Variants in DSC2 observed in about 807,000 individuals in gnomAD.
The protein encoded by DSC2 is desmocollin 2, also known as desmocollin-2.
A neutral mutation model predicts 87.6 loss-of-function variants in DSC2; 51 were observed. The ratio of observed to expected loss-of-function variants is 0.58; its 90% CI spans 0.46 to 0.74. The LOEUF (loss-of-function observed/expected upper bound fraction) is 0.74. DSC2 is among the 30% of genes least tolerant of loss of function. DSC2 has a pLI of 0.00. For missense variants in DSC2, 1,066 were observed against 1,089.5 expected, an observed-to-expected ratio of 0.98 and a Z score of 0.30; for synonymous variants, 383 against 393.2, an observed-to-expected ratio of 0.97 and a Z score of 0.31.
Position 31,087,710 on chromosome 18 carries a change from T to G in DSC2, c.734A>C (p.Glu245Ala), listed in dbSNP as rs373201722. The G allele has an allele frequency of 2.0e-5, 33 of 1,613,540 alleles. No homozygotes were observed. In the African/African-American group the frequency reaches 3.6e-4, roughly 18 times the overall value. The change falls in exon 6 of 16, where the codon GAA becomes GCA. Residue 245 changes from glutamate to alanine, a missense_variant. Physicochemically the swap from Glu to Ala is moderately radical, Grantham distance 107. Transcript: ENST00000280904. Reference protein sequence around the residue: ...DENDNYPIFTEETYTFTIFEN... With the variant: ...DENDNYPIFTAETYTFTIFEN... ...AAAAATTGTAAAAGTATAAGTTTCTTCTGTAAAAATTGGGTAGTTATCATT... is the reference window on the plus strand; with the variant it reads ...AAAAATTGTAAAAGTATAAGTTTCTGCTGTAAAAATTGGGTAGTTATCATT...
intron 7 of DSC2, among the ~76,000 whole-genome samples, chr18:31,085,188 C>T (rs1162074818): frequency 6.6e-6 from 1 of 152,026 alleles, no homozygotes; most frequent in Non-Finnish European, 1.5e-5. Flanking sequence ...ACTCTCTTTT[C>T]TAATTTTATA....
chr18:31,078,145 T>G (rs1441737838), intron 11 of DSC2, among the ~76,000 whole-genome samples: 7 of 152,128 alleles, frequency 4.6e-5, no homozygotes, highest in African/African-American at 1.7e-4. Flanking sequence ...AGGAGAGGTT[T>G]CCATTAGGGA....
chr18:31,079,334 A>C (rs975700106), intron 11 of DSC2, among the ~76,000 whole-genome samples: 1 of 152,004 alleles, frequency 6.6e-6, no homozygotes, highest in African/African-American at 2.4e-5. Context: ...GCTAACTGCA[A>C]CCTCCACCTC....
intron 1 of DSC2, among the ~76,000 whole-genome samples, chr18:31,096,102 G>A (rs935942237): frequency 5.3e-5 from 8 of 152,128 alleles, no homozygotes; most frequent in Non-Finnish European, 1.0e-4. Flanking sequence ...TTTACTTGGA[G>A]CAAATAAATT....
intron 3 of DSC2, 118 bp from the exon 4 acceptor site, chr18:31,091,265 G>C: frequency 7.7e-7 from 1 of 1,301,532 alleles, no homozygotes; most frequent in Non-Finnish European, 1.1e-6. Flanking sequence ...TGAGACCATG[G>C]GAGTGCTTGA....
intron 11 of DSC2, among the ~76,000 whole-genome samples, chr18:31,075,346 C>T (rs1303307802): frequency 6.6e-6 from 1 of 152,112 alleles, no homozygotes; most frequent in Non-Finnish European, 1.5e-5. Flanking sequence ...GAAAGCCAGA[C>T]TAGGGAGCTT....
chr18:31,073,387 ACACACACACACACACACG>A (rs1380963214), intron 12 of DSC2, among the ~76,000 whole-genome samples: 8 of 151,800 alleles, frequency 5.3e-5, no homozygotes, highest in South Asian at 2.1e-4. Flanking sequence ...ACACACACAC[ACACACACACACACACACG>A]CACACACAAC....
In DSC2 at chr18:31,071,751, C is replaced by A. The variant is rs745879343; in HGVS notation, c.1979G>T (p.Ser660Ile). ...CAGTGTAACATCCAATGAAGTGACA[C>A]TAGACATGCCAAGTCTATCTCTCAC... ...ITVRDRLGMS[S>I]VTSLDVTLCD... is the part of the protein sequence containing the mutation. Residue 660 changes from serine (S) to isoleucine (I), a missense_variant, in exon 13 of 16, where the codon AGT (serine) becomes ATT (isoleucine). Coordinates refer to ENST00000280904, the MANE Select transcript of DSC2 (RefSeq NM_024422.6). 1 of 1,613,836 alleles carries A rather than the reference C, an allele frequency of 6.2e-7. No homozygotes were observed. The highest frequency in any genetic ancestry group is 8.5e-7 in the Non-Finnish European group (1 of 1,179,878).
At position 31,071,816 on chromosome 18, in the gene DSC2, C is replaced by G. The variant is rs147742157; in HGVS notation, c.1914G>C (p.Gln638His). 568 of 1,613,820 alleles carry G rather than the reference C, an allele frequency of 3.5e-4. 3 individuals are homozygous for G. In the Middle Eastern group the frequency reaches 8.4e-3, roughly 24 times the overall value. ...CATATGAGCCAAATGGAGGATCATTCTGATAGGAAAGACGTGCTGCTGTAT... is the reference window on the plus strand; with the variant it reads ...CATATGAGCCAAATGGAGGATCATTGTGATAGGAAAGACGTGCTGCTGTAT... ...INDTAARLSYQNDPPFGSYVV... is the reference protein window; with the variant it reads ...INDTAARLSYHNDPPFGSYVV... The change falls in exon 13 of 16, where the codon CAG becomes CAC. Residue 638 changes from glutamine to histidine, a missense_variant. Coordinates refer to ENST00000280904, the MANE Select transcript of DSC2 (RefSeq NM_024422.6).
intron 11 of DSC2, among the ~76,000 whole-genome samples, chr18:31,075,632 C>A (rs913607069): frequency 3.9e-5 from 6 of 152,154 alleles, no homozygotes; most frequent in Non-Finnish European, 8.8e-5. Flanking sequence ...GGGCAGATCA[C>A]CTGAGGTCAG....
chr18:31,083,137 A>G (rs996619162), intron 7 of DSC2, 77 bp from the exon 8 acceptor site: 7 of 1,517,736 alleles, frequency 4.6e-6, no homozygotes, highest in Non-Finnish European at 6.3e-6. Flanking sequence ...ACACTCCATA[A>G]TTTTTTTGCA....
At position 31,066,641 on chromosome 18, in the gene DSC2, C is replaced by G. The variant is rs796700445; in HGVS notation, c.*1374G>C. On this transcript the variant is annotated 3_prime_UTR_variant, in exon 16 of 16. Coordinates refer to ENST00000280904, the MANE Select transcript of DSC2 (RefSeq NM_024422.6). ...TTAGTATAAATAGAAAATTCATTGA[C>G]TAAAATAAGTCATGAAACATGGACT... is the stretch of plus-strand genomic sequence containing the variant. The G allele has an allele frequency of 1.7e-4, 26 of 152,090 alleles. No homozygotes were observed. Among genetic ancestry groups the G allele is most frequent in the African/African-American group, 6.3e-4 (26 of 41,508 alleles). The allele number at this position is 152,090 out of a possible 1,614,324, so 9.4% of individuals were successfully genotyped here.
At position 31,087,700 on chromosome 18, in the gene DSC2, A is replaced by G. The variant is rs756495155; in HGVS notation, c.744T>C (p.Tyr248=). 1.1e-5 allele frequency: 18 copies of G among 1,613,286 alleles called. No homozygotes were observed. Among genetic ancestry groups the G allele is most frequent in the Admixed American group, 1.7e-5 (1 of 60,008 alleles). The change falls in exon 6 of 16, where the codon TAT becomes TAC. Residue 248 remains tyrosine (Y), a synonymous_variant. Transcript: ENST00000280904. ...DNYPIFTEET[Y]TFTIFENCRV... ...TGCAATTTTCAAAAATTGTAAAAGT[A>G]TAAGTTTCTTCTGTAAAAATTGGGT...
chr18:31,086,448 C>T, intron 7 of DSC2, 128 bp downstream of exon 7: 2 of 1,145,136 alleles, frequency 1.7e-6, no homozygotes, highest in Non-Finnish European at 2.6e-6. Flanking sequence ...TCTCTATTAA[C>T]ATACATAAAA....
intron 4 of DSC2, 91 bp downstream of exon 4, chr18:31,090,937 C>T (rs1987572700): frequency 1.3e-5 from 20 of 1,548,848 alleles, no homozygotes; most frequent in Non-Finnish European, 1.6e-5. Context: ...CATATTTATA[C>T]ACAACTATTA....
At chr18:31,076,206 C>T (rs1987012329) in intron 11 of DSC2, among the ~76,000 whole-genome samples, 2 of 152,128 alleles carry the variant, frequency 1.3e-5, no homozygotes, top group South Asian at 4.2e-4. Flanking sequence ...AGCCAGAGCA[C>T]CTGCAGCACA....
Position 31,079,980 on chromosome 18 carries a change from T to C in DSC2, c.1530A>G (p.Lys510=). The C allele has an allele frequency of 6.2e-7, 1 of 1,613,860 alleles. No individual in the cohort carries two copies. Among genetic ancestry groups the C allele is most frequent in the Non-Finnish European group, 8.5e-7 (1 of 1,179,834 alleles). Residue 510 remains lysine (K), a synonymous_variant, in exon 11 of 16, where the codon AAA becomes AAG. Coordinates refer to ENST00000280904, the MANE Select transcript of DSC2 (RefSeq NM_024422.6). ...TRSSSGIRYK[K]LTDPTGWVTI... is the part of the protein sequence containing the mutation. The stretch of plus-strand genomic sequence containing the variant: ...TGACCCACCCTGTTGGATCAGTTAA[T>C]TTCTTATACCTGTTGGTAATGATGA...
In DSC2 at chr18:31,067,339, G is replaced by C. The variant is rs1435829860; in HGVS notation, c.*676C>G. On this transcript the variant is annotated 3_prime_UTR_variant, in exon 16 of 16. Coordinates refer to ENST00000280904, the MANE Select transcript of DSC2 (RefSeq NM_024422.6). Reference sequence around the variant, plus strand: ...TTGACATTTTAAAGACCAAAAACTTGCAGTAGTAAAAATACATTCTGAAAG... The same window carrying C: ...TTGACATTTTAAAGACCAAAAACTTCCAGTAGTAAAAATACATTCTGAAAG... The C allele has an allele frequency of 6.6e-6, 1 of 151,366 alleles. No homozygotes were observed. Among genetic ancestry groups the C allele is most frequent in the East Asian group, 1.9e-4 (1 of 5,184 alleles). 9.4% of individuals were successfully genotyped at this position (151,366 alleles called of 1,614,324 possible). A position where few individuals can be genotyped will look rare whatever the true frequency, so the allele number is the denominator to read the frequency against.
chr18:31,087,486 AG>A (rs896649026), intron 6 of DSC2, among the ~76,000 whole-genome samples, 182 bp downstream of exon 6: 1 of 152,228 alleles, frequency 6.6e-6, no homozygotes, highest in African/African-American at 2.4e-5. Context: ...TGAAGAAATT[AG>A]GCTTGCCAAG....
Sources: allele counts gnomAD v4.1 joint callset (sites outside exome capture counted in the v4.1 genomes callset), GRCh38; gene constraint gnomAD v4.1.1; transcripts MANE v1.5; gene names NCBI Gene and HGNC (gene_info 2026-07-23, HGNC 2026-07-21).